SYNJ2: variants seen among roughly 807,000 people sequenced by gnomAD.
The protein encoded by SYNJ2 is synaptojanin 2, also known as polyphosphatidylinositol phosphatase SYNJ2.
SYNJ2 carries 116 observed loss-of-function variants against 141.3 expected under a neutral mutation model. That is an observed-to-expected ratio of 0.82 (90% CI 0.71 to 0.96). The LOEUF (loss-of-function observed/expected upper bound fraction) is 0.96. SYNJ2 is among the 40% of genes least tolerant of loss of function. SYNJ2 has a pLI of 0.00. For synonymous variants in SYNJ2, 745 were observed against 777.7 expected (o/e 0.96, Z 0.70); for missense variants, 1,873 against 1,934.8 (o/e 0.97, Z 0.60).
Position 158,033,615 on chromosome 6 carries a change from A to G in SYNJ2, c.646A>G (p.Thr216Ala). ...VSRVSCERTG[T>A]RFHTRGVNDD... ...TCGCGTTAGCTGTGAGCGCACAGGC[A>G]CTCGCTTCCACACCCGTGGCGTGAA... Residue 216 changes from threonine to alanine, a missense_variant, in exon 4 of 27, where the codon ACT becomes GCT. By Grantham distance (58) the Thr-to-Ala change is moderately conservative. Transcript: ENST00000355585. 1 of 1,613,586 alleles carries G rather than the reference A, an allele frequency of 6.2e-7. No individual in the cohort carries two copies. The highest frequency in any genetic ancestry group is 1.1e-5 in the South Asian group (1 of 91,078).
rs1029693971 is a variant in SYNJ2, at chr6:158,027,097, A to G, written c.215-1659A>G. The G allele has an allele frequency of 2.0e-6, 2 of 985,256 alleles. No homozygotes were observed. Among genetic ancestry groups the G allele is most frequent in the Non-Finnish European group, 2.4e-6 (2 of 829,936 alleles). 61.0% of individuals were successfully genotyped at this position (985,256 alleles called of 1,614,324 possible). A position where few individuals can be genotyped will look rare whatever the true frequency, so the allele number is the denominator to read the frequency against. On this transcript the variant is annotated intron_variant, in intron 2 of 26. Transcript: ENST00000355585. This position sits in a 1 kb window ranked among gnomAD's most constrained non-coding sequence, Gnocchi z 4.6. ...CCTGGGAGCCCTGAGCGCTCATTAAAGGAACGCACTTTAATGACAGCCACA... is the reference window on the plus strand; with the variant it reads ...CCTGGGAGCCCTGAGCGCTCATTAAGGGAACGCACTTTAATGACAGCCACA...
chr6:158,009,371 C>T (rs112831169), intron 1 of SYNJ2, among the ~76,000 whole-genome samples: 5 of 146,998 alleles, frequency 3.4e-5, no homozygotes, highest in African/African-American at 1.2e-4. Context: ...TCCATTCATT[C>T]CTCCTGTTCC....
At chr6:158,006,645 G>A (rs1778080896) in intron 1 of SYNJ2, among the ~76,000 whole-genome samples, 1 of 152,162 alleles carries the variant, frequency 6.6e-6, no homozygotes, top group South Asian at 2.1e-4. Context: ...TTATTGCTGG[G>A]ATTACAGGTG....
At chr6:158,092,865 C>T (rs567362943) in intron 25 of SYNJ2, 61 bp from the exon 26 acceptor site, 25 of 1,470,080 alleles carry the variant, frequency 1.7e-5, no homozygotes, top group Admixed American at 1.6e-4. Context: ...TGTCTAAGGA[C>T]GAAATCATGC....
chr6:157,990,579 G>A (rs1224885624), intron 1 of SYNJ2, among the ~76,000 whole-genome samples: 4 of 152,196 alleles, frequency 2.6e-5, no homozygotes, highest in South Asian at 4.1e-4. Context: ...CTTGGGTTGC[G>A]GGAGGGGGCA....
intron 4 of SYNJ2, among the ~76,000 whole-genome samples, chr6:158,041,202 A>T (rs1779929510): frequency 6.6e-6 from 1 of 152,084 alleles, no homozygotes; most frequent in Non-Finnish European, 1.5e-5. Flanking sequence ...TGCTGGGCAA[A>T]TGGGGGTTTG....
chr6:158,013,282 G>A (rs73579627), intron 1 of SYNJ2, among the ~76,000 whole-genome samples: 4,459 of 152,256 alleles, frequency 0.029, 216 homozygotes, highest in African/African-American at 0.1. Context: ...TTGAGTGGCT[G>A]AGGTGGAAGA....
In SYNJ2 at chr6:158,097,813, T is replaced by C. The variant is rs575099945; in HGVS notation, c.*1449T>C. On this transcript the variant is annotated 3_prime_UTR_variant, in exon 27 of 27. Coordinates refer to ENST00000355585, the MANE Select transcript of SYNJ2 (RefSeq NM_003898.4). ...ACAAAAGTTACAACACGTATCTCTT[T>C]TCATCTGAAAACTAATACCTGGAAA... is the stretch of plus-strand genomic sequence containing the variant. The C allele has an allele frequency of 3.3e-5, 5 of 150,028 alleles. No homozygotes were observed. The highest frequency in any genetic ancestry group is 1.2e-4 in the African/African-American group (5 of 40,392). 9.3% of individuals were successfully genotyped at this position (150,028 alleles called of 1,614,324 possible). A position where few individuals can be genotyped will look rare whatever the true frequency, so the allele number is the denominator to read the frequency against.
intron 1 of SYNJ2, among the ~76,000 whole-genome samples, chr6:158,010,445 G>A (rs918040239): frequency 2.6e-4 from 39 of 152,322 alleles, no homozygotes; most frequent in African/African-American, 9.4e-4. Context: ...TCTGGGGTGG[G>A]GTGCATGCTC....
In SYNJ2 at chr6:158,040,852, C is replaced by T. The variant is rs1192623591; in HGVS notation, c.712-2464C>T. On this transcript the variant is annotated intron_variant, in intron 4 of 26. Coordinates refer to ENST00000355585, the MANE Select transcript of SYNJ2 (RefSeq NM_003898.4). This position sits in a 1 kb window ranked among gnomAD's most constrained non-coding sequence, Gnocchi z 4.2. Reference sequence around the variant, plus strand: ...TCTAGGCACTGGCCTGGCCTCATCACAGCACTGGCACGGGCCTCCGACTTT... The same window carrying T: ...TCTAGGCACTGGCCTGGCCTCATCATAGCACTGGCACGGGCCTCCGACTTT... Among the ~76,000 whole-genome samples the T allele has an allele frequency of 6.6e-6, 1 of 152,206 alleles. No individual in the cohort carries two copies. Among genetic ancestry groups the T allele is most frequent in the African/African-American group, 2.4e-5 (1 of 41,450 alleles).
At position 158,028,833 on chromosome 6, in the gene SYNJ2, A is replaced by G; in HGVS notation, c.292A>G (p.Lys98Glu). ...CAGAATTCCAGATGCTGAAATCTACAAAATCACTGCCACTGACTTTTACCC... is the reference window on the plus strand; with the variant it reads ...CAGAATTCCAGATGCTGAAATCTACGAAATCACTGCCACTGACTTTTACCC... ...VGRIPDAEIYKITATDFYPLQ... is the reference protein window; with the variant it reads ...VGRIPDAEIYEITATDFYPLQ... The change falls in exon 3 of 27, where the codon AAA becomes GAA. Residue 98 changes from lysine (K) to glutamate (E), a missense_variant. By Grantham distance (56) the Lys-to-Glu change is moderately conservative (BLOSUM62 1). Transcript: ENST00000355585. 1 of 1,614,200 alleles carries G rather than the reference A, an allele frequency of 6.2e-7. No individual in the cohort carries two copies. The highest frequency in any genetic ancestry group is 8.5e-7 in the Non-Finnish European group (1 of 1,180,022).
chr6:158,068,930 G>C (rs1781738479), intron 13 of SYNJ2, among the ~76,000 whole-genome samples: 1 of 152,228 alleles, frequency 6.6e-6, no homozygotes, highest in Non-Finnish European at 1.5e-5. Flanking sequence ...CACTTAGGAA[G>C]TAAAAGGAAG....
At chr6:158,023,408 G>A (rs1218914028) in intron 2 of SYNJ2, among the ~76,000 whole-genome samples, 1 of 152,142 alleles carries the variant, frequency 6.6e-6, no homozygotes, top group Admixed American at 6.5e-5. Flanking sequence ...GGGTCAGGTA[G>A]GCAGGGCGGG....
At chr6:158,072,981 G>A (rs559196608) in intron 15 of SYNJ2, among the ~76,000 whole-genome samples, 9 of 151,436 alleles carry the variant, frequency 5.9e-5, no homozygotes, top group African/African-American at 2.2e-4. Flanking sequence ...GCTGAGACAG[G>A]AGAATCGCAA....
At chr6:158,051,792 C>CAAA (rs34963476) in intron 5 of SYNJ2, among the ~76,000 whole-genome samples, 4 of 128,278 alleles carry the variant, frequency 3.1e-5, no homozygotes, top group East Asian at 2.3e-4. Context: ...ACAAAAAATA[C>CAAA]AAAAAAAAAA....
intron 1 of SYNJ2, among the ~76,000 whole-genome samples, chr6:158,014,267 A>G (rs182430379): frequency 8.5e-5 from 13 of 152,378 alleles, no homozygotes; most frequent in Middle Eastern, 3.4e-3. Context: ...TATTGAATGC[A>G]TTGTCAACTT....
chr6:158,071,721 C>T lies in SYNJ2; in HGVS notation c.2060C>T (p.Thr687Met), dbSNP rs767395214. Residue 687 changes from threonine (T) to methionine (M), a missense_variant, in exon 15 of 27, where the codon ACG becomes ATG. Transcript: ENST00000355585. This position sits in a 1 kb window ranked among gnomAD's most constrained non-coding sequence, Gnocchi z 4.3. ...TTCTGCTTCATATGTAGTCACCTGA[C>T]GGCCGGGCAGTCCCAGGTGAAGGAG... ...TSFCFICSHL[T>M]AGQSQVKERN... The T allele has an allele frequency of 9.3e-6, 15 of 1,613,970 alleles. No homozygotes were observed. The highest frequency in any genetic ancestry group is 8.9e-5 in the East Asian group (4 of 44,892).
intron 20 of SYNJ2, among the ~76,000 whole-genome samples, chr6:158,082,895 G>T (rs12208248): frequency 0.17 from 25,525 of 151,984 alleles, 2,666 homozygotes; most frequent in Middle Eastern, 0.37. Flanking sequence ...TAGTATCTTG[G>T]CTTTAAATCT....
intron 9 of SYNJ2, 96 bp downstream of exon 9, chr6:158,063,968 G>T: frequency 7.7e-7 from 1 of 1,303,148 alleles, no homozygotes; most frequent in Non-Finnish European, 1.1e-6. Flanking sequence ...CAAGATGAGG[G>T]TGGCATCACC....
Sources: allele counts gnomAD v4.1 joint callset (sites outside exome capture counted in the v4.1 genomes callset), GRCh38; gene constraint gnomAD v4.1.1; non-coding constraint Gnocchi (gnomAD v3.1); transcripts MANE v1.5; gene names NCBI Gene and HGNC (gene_info 2026-07-23, HGNC 2026-07-21).